Variants in FNDC3B observed in about 807,000 individuals in gnomAD.
FNDC3B encodes the protein fibronectin type III domain containing 3B.
In FNDC3B, 12 loss-of-function variants were observed where a neutral mutation model predicts 151.5. That is an observed-to-expected ratio of 0.08 (90% CI 0.05 to 0.13). The LOEUF (loss-of-function observed/expected upper bound fraction) is 0.13, where lower values mean the gene tolerates loss of function less well. Ranked by LOEUF, FNDC3B falls within the 10% of genes least tolerant of loss-of-function variation. FNDC3B has a pLI of 1.00. For synonymous variants in FNDC3B, 528 were observed against 549.0 expected, an observed-to-expected ratio of 0.96 and a Z score of 0.54; for missense variants, 1,214 against 1,505.3, an observed-to-expected ratio of 0.81 and a Z score of 3.20.
chr3:172,314,276 C>G (rs1387458332), intron 11 of FNDC3B, among the ~76,000 whole-genome samples: 1 of 152,106 alleles, frequency 6.6e-6, no homozygotes, highest in East Asian at 1.9e-4. Flanking sequence ...CACCCATAAA[C>G]CTGTCTGCCA....
chr3:172,316,223 A>G (rs1353916715), intron 11 of FNDC3B, among the ~76,000 whole-genome samples: 1 of 150,714 alleles, frequency 6.6e-6, no homozygotes, highest in East Asian at 1.9e-4. Flanking sequence ...ATGGTCTCCA[A>G]CTCCTGACCT....
intron 25 of FNDC3B, among the ~76,000 whole-genome samples, chr3:172,384,139 A>C (rs2108378322): frequency 6.6e-6 from 1 of 152,352 alleles, no homozygotes; most frequent in South Asian, 2.1e-4. Context: ...TTTTTAAAAA[A>C]AGGTAATTTT....
At chr3:172,393,315 T>C (rs1007401828) in intron 25 of FNDC3B, among the ~76,000 whole-genome samples, 2 of 152,122 alleles carry the variant, frequency 1.3e-5, no homozygotes, top group African/African-American at 4.8e-5. Context: ...AGAGCATCAA[T>C]TCATCAAGAG....
chr3:172,366,728 A>G lies in FNDC3B; in HGVS notation c.3008+3883A>G, dbSNP rs1387999723. Among the ~76,000 whole-genome samples the G allele has an allele frequency of 3.3e-5, 5 of 152,202 alleles. No individual in the cohort carries two copies. In the East Asian group the frequency reaches 9.6e-4, roughly 29 times the overall value. ...AGGGAAAATTGAAGAATGGCATCTA[A>G]GGTAGGCTTAAAATCAAATGAACAC... On this transcript the variant is annotated intron_variant, in intron 23 of 25. Transcript: ENST00000415807.
chr3:172,165,812 G>A (rs1167966215), intron 3 of FNDC3B, among the ~76,000 whole-genome samples: 1 of 152,132 alleles, frequency 6.6e-6, no homozygotes, highest in Non-Finnish European at 1.5e-5. Flanking sequence ...TTACTTACAT[G>A]ACACGAATGT....
chr3:172,079,738 G>C (rs879898800), intron 1 of FNDC3B, among the ~76,000 whole-genome samples: 5 of 152,170 alleles, frequency 3.3e-5, no homozygotes, highest in Non-Finnish European at 7.4e-5. Context: ...TCTGGTTTCT[G>C]ATAAGGGCTT....
chr3:172,053,657 A>C (rs1362531285), intron 1 of FNDC3B, among the ~76,000 whole-genome samples: 2 of 151,992 alleles, frequency 1.3e-5, no homozygotes, highest in African/African-American at 4.8e-5. Context: ...CTGTAATCCC[A>C]GCTACTCAGG....
rs1338592284 is a variant in FNDC3B, at chr3:172,381,057, G to T, written c.3267G>T (p.Leu1089=). 1 of 1,613,806 alleles carries T rather than the reference G, an allele frequency of 6.2e-7. No individual in the cohort carries two copies. Among genetic ancestry groups the T allele is most frequent in the Admixed American group, 1.7e-5 (1 of 60,012 alleles). The change falls in exon 25 of 26, where the codon CTG becomes CTT. Residue 1089 remains leucine, a synonymous_variant. Coordinates refer to ENST00000415807, the MANE Select transcript of FNDC3B (RefSeq NM_022763.4). ...AAGGTGACCCTGTTAACTACATTCT[G>T]CAGGTATTGGTTGGAAGAGAATCTG... ...SMKGDPVNYI[L]QVLVGRESEY...
chr3:172,111,165 C>T (rs1325148011), intron 1 of FNDC3B, among the ~76,000 whole-genome samples: 14 of 149,754 alleles, frequency 9.3e-5, no homozygotes, highest in Admixed American at 9.3e-4. Context: ...CCATTTTTCT[C>T]TTATGCATTA....
intron 4 of FNDC3B, among the ~76,000 whole-genome samples, chr3:172,240,216 C>T (rs1727427058): frequency 6.6e-6 from 1 of 152,134 alleles, no homozygotes; most frequent in Admixed American, 6.5e-5. Context: ...TTACCCAGTT[C>T]CGTGTCCTTG....
rs1731744755 is a variant in FNDC3B, at chr3:172,315,688, G to A, written c.1254+4807G>A. Reference sequence around the variant, plus strand: ...TGAGTCACATCACATTTTTATTTCAGTGTCCCCGCCCCCGTGTTTACACTT... The same window carrying A: ...TGAGTCACATCACATTTTTATTTCAATGTCCCCGCCCCCGTGTTTACACTT... On this transcript the variant is annotated intron_variant, in intron 11 of 25. Transcript: ENST00000415807. 2.0e-5 allele frequency among the ~76,000 whole-genome samples: 3 copies of A among 152,146 alleles called. No homozygotes were observed. In the South Asian group the frequency reaches 6.2e-4, roughly 32 times the overall value.
intron 8 of FNDC3B, among the ~76,000 whole-genome samples, chr3:172,297,773 CT>C (rs11367442): frequency 0.56 from 85,400 of 151,914 alleles, 26,094 homozygotes; most frequent in African/African-American, 0.81. Flanking sequence ...CGCGCCCGGC[CT>C]TTTTTTTCAT....
At chr3:172,272,770 A>C (rs1275570209) in intron 6 of FNDC3B, among the ~76,000 whole-genome samples, 2 of 152,140 alleles carry the variant, frequency 1.3e-5, no homozygotes, top group Non-Finnish European at 2.9e-5. Context: ...AGGGAAATCA[A>C]CTTTAGGCTG....
Position 172,139,762 on chromosome 3 carries a change from T to TTCAAAAAACC in FNDC3B, c.187+6217_187+6218insCAAAAAACCT, listed in dbSNP as rs1265415408. Among the ~76,000 whole-genome samples, 76 of 152,196 alleles carry TTCAAAAAACC rather than the reference T, an allele frequency of 5.0e-4. 2 individuals carry two copies. Among genetic ancestry groups the TTCAAAAAACC allele is most frequent in the African/African-American group, 1.8e-3 (74 of 41,538 alleles). On this transcript the variant is annotated intron_variant, in intron 3 of 25. Coordinates refer to ENST00000415807, the MANE Select transcript of FNDC3B (RefSeq NM_022763.4). Reference sequence around the variant, plus strand: ...CCTTGAAAACCATTTCTTTTTTTTTTTGTTTTTTGAGACAGGGTATCCTGT... The same window carrying TTCAAAAAACC: ...CCTTGAAAACCATTTCTTTTTTTTTTTCAAAAAACCTGTTTTTTGAGACAGGGTATCCTGT...
chr3:172,261,462 A>G (rs1185466970), intron 6 of FNDC3B, among the ~76,000 whole-genome samples: 1 of 152,228 alleles, frequency 6.6e-6, no homozygotes, highest in Non-Finnish European at 1.5e-5. Flanking sequence ...TGATAATTAT[A>G]GTCTATACTA....
intron 6 of FNDC3B, among the ~76,000 whole-genome samples, chr3:172,258,687 C>A (rs1186588651): frequency 2.0e-5 from 3 of 152,114 alleles, no homozygotes; most frequent in Non-Finnish European, 4.4e-5. Flanking sequence ...GCAGGGCTGA[C>A]AGTGGTTTCC....
intron 3 of FNDC3B, among the ~76,000 whole-genome samples, chr3:172,165,598 G>A (rs765898683): frequency 2.0e-5 from 3 of 152,092 alleles, no homozygotes; most frequent in Non-Finnish European, 4.4e-5. Flanking sequence ...TTTTCATACT[G>A]TAGATTGAAC....
intron 1 of FNDC3B, among the ~76,000 whole-genome samples, chr3:172,086,998 G>A (rs1718578062): frequency 6.6e-6 from 1 of 152,136 alleles, no homozygotes; most frequent in Non-Finnish European, 1.5e-5. Flanking sequence ...GCTTCACATG[G>A]TTTCTTGCTT....
chr3:172,117,868 T>G (rs906863089), intron 2 of FNDC3B, among the ~76,000 whole-genome samples: 5 of 152,230 alleles, frequency 3.3e-5, no homozygotes, highest in African/African-American at 7.2e-5. Flanking sequence ...TTTTAATGCT[T>G]CTTCTTCAGA....
Sources: allele counts gnomAD v4.1 joint callset (sites outside exome capture counted in the v4.1 genomes callset), GRCh38; gene constraint gnomAD v4.1.1; transcripts MANE v1.5; gene names NCBI Gene and HGNC (gene_info 2026-07-23, HGNC 2026-07-21).